The following PLXNA4 variants were observed in gnomAD, a reference collection of about 807,000 sequenced individuals.
PLXNA4 encodes the protein plexin-A4.
Under a neutral mutation model 191.8 loss-of-function variants are expected in PLXNA4, and 44 were observed. The ratio of observed to expected loss-of-function variants is 0.23; its 90% CI spans 0.18 to 0.29. PLXNA4 has a LOEUF of 0.29. Ranked by LOEUF, PLXNA4 falls within the 10% of genes least tolerant of loss-of-function variation. The pLI, the probability that PLXNA4 is intolerant of heterozygous loss-of-function variation, is 1.00. For missense variants in PLXNA4, 1,800 were observed against 2,488.8 expected, an observed-to-expected ratio of 0.72 and a Z score of 5.89; for synonymous variants, 1,082 against 1,009.5, an observed-to-expected ratio of 1.07 and a Z score of -1.36.
chr7:132,239,604 A>C (rs1324555275), intron 5 of PLXNA4, among the ~76,000 whole-genome samples: 1 of 152,212 alleles, frequency 6.6e-6, no homozygotes, highest in African/African-American at 2.4e-5. Flanking sequence ...GGTGACACAA[A>C]GAAAACTGCC....
chr7:132,131,077 G>T (rs1794913001), intron 31 of PLXNA4, among the ~76,000 whole-genome samples: 1 of 152,154 alleles, frequency 6.6e-6, no homozygotes, highest in Non-Finnish European at 1.5e-5. Context: ...AAAGTCATTT[G>T]TTTTCACTTT....
intron 3 of PLXNA4, among the ~76,000 whole-genome samples, chr7:132,329,399 G>A (rs1802501442): frequency 6.6e-6 from 1 of 152,204 alleles, no homozygotes. Context: ...CATTTTACAA[G>A]AAGAGAGTGA....
Position 132,342,962 on chromosome 7 carries a change from G to GA in PLXNA4, c.1372-44741dup, listed in dbSNP as rs1232117947. Among the ~76,000 whole-genome samples, 102 of 111,000 alleles carry GA rather than the reference G, an allele frequency of 9.2e-4. 1 individual carries two copies. The highest frequency in any genetic ancestry group is 3.6e-3 in the African/African-American group (96 of 26,372). The allele number at this position is 111,000 out of a possible 152,430, so 72.8% of individuals were successfully genotyped here. ...ACTCTGCCTCAAAAAAAAAAAAAAA[G>GA]AAAAAAAAAATTAAAAAAGAAGATA... On this transcript the variant is annotated intron_variant, in intron 3 of 31. Transcript: ENST00000321063.
At position 132,614,537 on chromosome 7, in the gene PLXNA4, A is replaced by G. The variant is rs1039026195; in HGVS notation, c.-87+31391T>C. Among the ~76,000 whole-genome samples the G allele has an allele frequency of 1.3e-5, 2 of 152,258 alleles. 1 individual carries two copies. The highest frequency in any genetic ancestry group is 1.3e-4 in the Admixed American group (2 of 15,290). On this transcript the variant is annotated intron_variant, in intron 2 of 4. Transcript: ENST00000378539. ...AAAGCTCAAAGGTGGGGAGGCACTG[A>G]AGGCTCAGGGAGCAGTGTTGGAGCA...
At chr7:132,561,647 CTCT>C (rs1486032784) in intron 1 of PLXNA4, among the ~76,000 whole-genome samples, 2 of 132,648 alleles carry the variant, frequency 1.5e-5, no homozygotes, top group African/African-American at 2.9e-5. Flanking sequence ...CCTTCTCCTC[CTCT>C]TCCTCCTTTT....
At chr7:132,226,545 T>C (rs1230316826) in intron 7 of PLXNA4, among the ~76,000 whole-genome samples, 1 of 152,258 alleles carries the variant, frequency 6.6e-6, no homozygotes, top group Non-Finnish European at 1.5e-5. Context: ...CATGATGTCC[T>C]GCCCAGACTC....
rs144077169 is a variant in PLXNA4 at position 132,568,153 on chromosome 7, A to G, written c.-87+8269T>C. Among the ~76,000 whole-genome samples the G allele has an allele frequency of 4.6e-3, 702 of 152,290 alleles. 5 individuals are homozygous for G. Among genetic ancestry groups the G allele is most frequent in the African/African-American group, 0.016 (679 of 41,558 alleles). Reference sequence around the variant, plus strand: ...CTTACAGGAAATATTTTATGCAGAAATGTCCCCTGTTGCATTATATTTCAG... The same window carrying G: ...CTTACAGGAAATATTTTATGCAGAAGTGTCCCCTGTTGCATTATATTTCAG... On this transcript the variant is annotated intron_variant, in intron 1 of 31. Transcript: ENST00000321063.
chr7:132,169,981 G>A (rs1176719899), intron 21 of PLXNA4, among the ~76,000 whole-genome samples: 1 of 152,040 alleles, frequency 6.6e-6, no homozygotes, highest in African/African-American at 2.4e-5. Flanking sequence ...GGCCTGGGGA[G>A]GTAACTTCGG....
chr7:132,384,736 A>C (rs1292472166), intron 3 of PLXNA4: 34 of 1,039,808 alleles, frequency 3.3e-5, no homozygotes, highest in Non-Finnish European at 3.8e-5. Context: ...CTTTAAACAC[A>C]GATAAGCATA....
chr7:132,425,944 C>T (rs1172844827), intron 3 of PLXNA4, among the ~76,000 whole-genome samples: 1 of 152,198 alleles, frequency 6.6e-6, no homozygotes, highest in Admixed American at 6.5e-5. Flanking sequence ...TGACCCTGCT[C>T]AGTGGCCCCA....
At chr7:132,626,754 A>G (rs1803383849) in intron 2 of PLXNA4, among the ~76,000 whole-genome samples, 1 of 152,170 alleles carries the variant, frequency 6.6e-6, no homozygotes, top group African/African-American at 2.4e-5. Flanking sequence ...ATGACCTAAC[A>G]CATCTGTCAA....
chr7:132,484,477 G>A (rs139677001), intron 3 of PLXNA4, among the ~76,000 whole-genome samples: 95 of 152,300 alleles, frequency 6.2e-4, no homozygotes, highest in African/African-American at 2.0e-3. Context: ...AACCAGGGAT[G>A]GAAAATGCAG....
intron 1 of PLXNA4, among the ~76,000 whole-genome samples, chr7:132,510,965 A>T (rs1258537219): frequency 6.6e-6 from 1 of 152,198 alleles, no homozygotes; most frequent in Non-Finnish European, 1.5e-5. Context: ...ATGAAATTGT[A>T]GAGGAAAAGA....
chr7:132,492,437 C>A (rs1184987895), intron 2 of PLXNA4, among the ~76,000 whole-genome samples: 8 of 152,216 alleles, frequency 5.3e-5, no homozygotes, highest in African/African-American at 1.9e-4. Flanking sequence ...TCTTCCTCTG[C>A]AGAACCTCTT....
rs1188847081 is a variant in PLXNA4 at position 132,588,634 on chromosome 7, A to AGGAAGGGAAGGGAAGGGAAGGGAAG, written c.-87+57269_-87+57293dup. ...AGAGAGAACACACCTTGAGGAAGGA[A>AGGAAGGGAAGGGAAGGGAAGGGAAG]GGAAGGGAAGGGAAGGGAAGGGAAG... On this transcript the variant is annotated intron_variant, in intron 2 of 4. Coordinates refer to the PLXNA4 transcript ENST00000378539. Among the ~76,000 whole-genome samples, 70 of 59,988 alleles carry AGGAAGGGAAGGGAAGGGAAGGGAAG rather than the reference A, an allele frequency of 1.2e-3. 1 individual carries two copies. The highest frequency in any genetic ancestry group is 5.7e-3 in the East Asian group (9 of 1,572). The allele number at this position is 59,988 out of a possible 152,430, so 39.4% of individuals were successfully genotyped here.
At chr7:132,420,187 GA>G in intron 3 of PLXNA4, among the ~76,000 whole-genome samples, 1 of 152,298 alleles carries the variant, frequency 6.6e-6, no homozygotes, top group Non-Finnish European at 1.5e-5. Context: ...CTCTGTATTA[GA>G]GCATGAATTC....
chr7:132,205,094 G>A (rs1351282515), intron 10 of PLXNA4, among the ~76,000 whole-genome samples: 2 of 152,212 alleles, frequency 1.3e-5, no homozygotes, highest in African/African-American at 2.4e-5. Context: ...ACAGAGTAAA[G>A]CAAAGTTTCC....
At chr7:132,163,282 CG>C (rs1796004154) in intron 24 of PLXNA4, among the ~76,000 whole-genome samples, 1 of 152,180 alleles carries the variant, frequency 6.6e-6, no homozygotes, top group Non-Finnish European at 1.5e-5. Context: ...GAGAGGCAAG[CG>C]GGGCCTGCGT....
intron 3 of PLXNA4, among the ~76,000 whole-genome samples, chr7:132,487,618 A>T (rs940758911): frequency 1.3e-5 from 2 of 152,166 alleles, no homozygotes; most frequent in African/African-American, 2.4e-5. Context: ...CTGGTTTCCT[A>T]GCCCACCAAA....
Sources: gnomAD v4.1 joint callset for allele counts (sites outside exome capture counted in the v4.1 genomes callset) on GRCh38, gnomAD v4.1.1 for gene constraint, MANE v1.5 for transcripts, NCBI Gene and HGNC (gene_info 2026-07-23, HGNC 2026-07-21) for gene names.